SEMA6C: variants seen among roughly 807,000 people sequenced by gnomAD.
The protein encoded by SEMA6C is semaphorin-6C.
SEMA6C carries 37 observed loss-of-function variants against 72.9 expected under a neutral mutation model. The ratio of observed to expected loss-of-function variants is 0.51; its 90% CI spans 0.39 to 0.67. The LOEUF is 0.67. Ranked by LOEUF, SEMA6C falls within the 30% of genes least tolerant of loss-of-function variation. The probability of loss-of-function intolerance (pLI) is 0.00; values close to 1 mark genes in which losing one functional copy is unlikely to be tolerated. For missense variants in SEMA6C, 1,189 were observed against 1,263.6 expected (o/e 0.94, Z 0.89); for synonymous variants, 578 against 554.1 (o/e 1.04, Z -0.61).
chr1:151,139,429 A>T lies in SEMA6C; in HGVS notation c.350T>A (p.Leu117Gln), dbSNP rs751538878. The T allele has an allele frequency of 6.2e-7, 1 of 1,613,846 alleles. No homozygotes were observed. The highest frequency in any genetic ancestry group is 1.1e-5 in the South Asian group (1 of 91,074). The change falls in exon 6 of 19, where the codon CTG becomes CAG. Residue 117 changes from leucine to glutamine, a missense_variant. Coordinates refer to ENST00000368914, the MANE Select transcript of SEMA6C (RefSeq NM_030913.6). The stretch of plus-strand genomic sequence containing the variant: ...CATTCTCGTCTCACTCCTTACCGTC[A>T]GCTTTCCCCGTACAGCACAGTTCTC... ...DVENCAVRGK[L>Q]TDECYNYIRV...
intron 8 of SEMA6C, 86 bp from the exon 9 acceptor site, chr1:151,138,191 G>A (rs1682222462): frequency 6.3e-7 from 1 of 1,588,292 alleles, no homozygotes; most frequent in African/African-American, 1.3e-5. Context: ...CCCTACCTAG[G>A]CCTGGCCCTG....
In SEMA6C at chr1:151,132,244, T is replaced by C. The variant is rs1255361325; in HGVS notation, c.*240A>G. ...GAGCGGGGAGTGGGAGTCCGCCAGCTCCCCCTGAAATGCTGGCTCACTGAG... is the reference window on the plus strand; with the variant it reads ...GAGCGGGGAGTGGGAGTCCGCCAGCCCCCCCTGAAATGCTGGCTCACTGAG... On this transcript the variant is annotated 3_prime_UTR_variant, in exon 19 of 19. Transcript: ENST00000368914. 15 of 1,518,134 alleles carry C rather than the reference T, an allele frequency of 9.9e-6. No homozygotes were observed. The highest frequency in any genetic ancestry group is 1.3e-5 in the Non-Finnish European group (15 of 1,136,320). The allele number at this position is 1,518,134 out of a possible 1,614,324, so 94.0% of individuals were successfully genotyped here. A position where few individuals can be genotyped will look rare whatever the true frequency, so the allele number is the denominator to read the frequency against.
At chr1:151,135,486 C>A in intron 14 of SEMA6C, 105 bp downstream of exon 14, 2 of 1,470,746 alleles carry the variant, frequency 1.4e-6, no homozygotes, top group Admixed American at 2.0e-5. Flanking sequence ...GAGCTCCCAC[C>A]CTGCAAAAGC....
Position 151,142,490 on chromosome 1 carries a change from T to C in SEMA6C, c.118+14A>G, listed in dbSNP as rs779074157. On this transcript the variant is annotated intron_variant, in intron 3 of 18. Transcript: ENST00000368914. ...GTTCACAGAGATGGGGCAAGGTAGG[T>C]ACTGGGCACTCACCTTGAAGGTCAG... The C allele has an allele frequency of 5.1e-5, 82 of 1,613,048 alleles. No individual in the cohort carries two copies. Among genetic ancestry groups the C allele is most frequent in the Non-Finnish European group, 6.4e-5 (75 of 1,179,764 alleles).
Position 151,137,058 on chromosome 1 carries a change from A to C in SEMA6C, c.773T>G (p.Val258Gly), listed in dbSNP as rs768740706. Residue 258 changes from valine (V) to glycine (G), a missense_variant, in exon 11 of 19, where the codon GTA (valine) becomes GGA (glycine). Around this residue, in one of 2 missense-constraint regions of SEMA6C, gnomAD observed 468 missense variants for 577.4 expected, o/e 0.81. Transcript: ENST00000368914. ...ARLGRVQFSRVARVCKRDMGG... is the reference protein window; with the variant it reads ...ARLGRVQFSRGARVCKRDMGG... ...CATGTCACGTTTACATACTCGGGCT[A>C]CGCGGGAGAACTGCACCTAGGGGAG... 5.0e-6 allele frequency: 8 copies of C among 1,613,276 alleles called. No homozygotes were observed. The Admixed American group carries it at 8.3e-5, about 17-fold the overall frequency.
chr1:151,132,597 C>T lies in SEMA6C; in HGVS notation c.2680G>A (p.Gly894Ser). The change falls in exon 19 of 19, where the codon GGC becomes AGC. Residue 894 changes from glycine to serine, a missense_variant. Gly to Ser is a moderately conservative substitution (Grantham distance 56). Transcript: ENST00000368914. ...LYLGRPEGYR[G>S]RALKRVDVEK... ...ACGTCCACCCTTTTCAGGGCGCGGC[C>T]CCGGTAGCCCTCGGGCCGGCCCAGG... 6.4e-7 allele frequency: 1 copy of T among 1,551,446 alleles called. No homozygotes were observed. The highest frequency in any genetic ancestry group is 1.7e-4 in the Middle Eastern group (1 of 5,992).
chr1:151,134,033 G>T, intron 18 of SEMA6C: 1 of 1,531,154 alleles, frequency 6.5e-7, no homozygotes. Context: ...GGGTCCCAGG[G>T]GAAGGGCCAG....
At chr1:151,141,787 G>A (rs1682579393) in intron 3 of SEMA6C, among the ~76,000 whole-genome samples, 1 of 150,092 alleles carries the variant, frequency 6.7e-6, no homozygotes, top group South Asian at 2.1e-4. Flanking sequence ...GATGACTCTG[G>A]CTGTGTTGCC....
In SEMA6C at chr1:151,145,872, G is replaced by C. The variant is rs587726058; in HGVS notation, c.-105+561C>G. ...AGTCTAACAAAGCCCCGGGCCGAGCGGGCTGAAGGAAGGAGATAGGCGCTG... is the reference window on the plus strand; with the variant it reads ...AGTCTAACAAAGCCCCGGGCCGAGCCGGCTGAAGGAAGGAGATAGGCGCTG... On this transcript the variant is annotated intron_variant, in intron 1 of 18. Coordinates refer to ENST00000368914, the MANE Select transcript of SEMA6C (RefSeq NM_030913.6). This position sits in a 1 kb window ranked among gnomAD's most constrained non-coding sequence, Gnocchi z 4.4. The C allele has an allele frequency of 6.6e-6, 1 of 152,294 alleles. No homozygotes were observed. The highest frequency in any genetic ancestry group is 1.5e-5 in the Non-Finnish European group (1 of 68,104). 9.4% of individuals were successfully genotyped at this position (152,294 alleles called of 1,614,324 possible).
intron 6 of SEMA6C, 69 bp from the exon 7 acceptor site, chr1:151,138,800 G>C (rs1682274653): frequency 7.6e-7 from 1 of 1,319,088 alleles, no homozygotes; most frequent in African/African-American, 1.4e-5. Flanking sequence ...TAATAGAAAG[G>C]TGGGCTTACA....
chr1:151,142,671 C>T lies in SEMA6C; in HGVS notation c.-50G>A, dbSNP rs755725344. On this transcript the variant is annotated 5_prime_UTR_variant, in exon 3 of 19. Transcript: ENST00000368914. ...AGGGGGTGCCCCCTCACCCATAAGC[C>T]GGCCCTGAAAGGGGAGACAGGGAAA... 2.2e-5 allele frequency: 32 copies of T among 1,459,036 alleles called. No individual in the cohort carries two copies. Among genetic ancestry groups the T allele is most frequent in the South Asian group, 7.2e-5 (5 of 69,210 alleles). 90.4% of individuals were successfully genotyped at this position (1,459,036 alleles called of 1,614,324 possible). A position where few individuals can be genotyped will look rare whatever the true frequency, so the allele number is the denominator to read the frequency against.
Position 151,133,952 on chromosome 1 carries a change from C to G in SEMA6C, c.1760-435G>C. The G allele has an allele frequency of 6.5e-7, 1 of 1,545,190 alleles. No individual in the cohort carries two copies. On this transcript the variant is annotated intron_variant, in intron 18 of 18. Coordinates refer to ENST00000368914, the MANE Select transcript of SEMA6C (RefSeq NM_030913.6). This position sits in a 1 kb window ranked among gnomAD's most constrained non-coding sequence, Gnocchi z 5.9. ...TTCACTCCTATCTCTCCCAAGTAGC[C>G]CCCTTACCCCGAGTGTGAACTCCAA...
Position 151,134,457 on chromosome 1 carries a change from G to C in SEMA6C, c.1715-12C>G. ...CCCAGTAGCTCCATCTATGAAGAAGGGACAGGGTGAAGATGGGGGGAAAGA... is the reference window on the plus strand; with the variant it reads ...CCCAGTAGCTCCATCTATGAAGAAGCGACAGGGTGAAGATGGGGGGAAAGA... On this transcript the variant is annotated splice_polypyrimidine_tract_variant and intron_variant, in intron 17 of 18. Transcript: ENST00000368914. 1 of 1,606,184 alleles carries C rather than the reference G, an allele frequency of 6.2e-7. No individual in the cohort carries two copies. The highest frequency in any genetic ancestry group is 1.1e-5 in the South Asian group (1 of 90,022).
intron 8 of SEMA6C, 49 bp downstream of exon 8, chr1:151,138,267 G>T: frequency 1.9e-6 from 3 of 1,596,906 alleles, no homozygotes; most frequent in Non-Finnish European, 2.6e-6. Context: ...AGCTAAGGTG[G>T]GAGCTCCCTC....
chr1:151,134,345 A>C, intron 18 of SEMA6C, 56 bp downstream of exon 18: 1 of 1,476,308 alleles, frequency 6.8e-7, no homozygotes. Context: ...TACAGGACAC[A>C]CACTCAGGTA....
At chr1:151,136,827 T>G (rs1382189669) in intron 11 of SEMA6C, 30 bp downstream of exon 11, 2 of 1,588,282 alleles carry the variant, frequency 1.3e-6, no homozygotes, top group Non-Finnish European at 1.7e-6. Flanking sequence ...AGGGGACAGA[T>G]TGGGTCACAC....
In SEMA6C at chr1:151,137,805, A is replaced by T. The variant is rs1682178983; in HGVS notation, c.668-6T>A. On this transcript the variant is annotated splice_region_variant and splice_polypyrimidine_tract_variant and intron_variant, in intron 9 of 18. Transcript: ENST00000368914. ...GGCCTGGACAAAGTGTGGCTCTAAG[A>T]TGGGGAATGACAGGAAAGGGTATAG... 2.5e-6 allele frequency: 4 copies of T among 1,612,392 alleles called. No individual in the cohort carries two copies. The highest frequency in any genetic ancestry group is 3.4e-6 in the Non-Finnish European group (4 of 1,178,764).
chr1:151,137,846 T>TAGAAGA, intron 9 of SEMA6C, 47 bp from the exon 10 acceptor site: 1 of 1,587,318 alleles, frequency 6.3e-7, no homozygotes, highest in Non-Finnish European at 8.6e-7. Flanking sequence ...TATCTGTACC[T>TAGAAGA]GCTCAGAAGC....
chr1:151,142,049 T>C (rs1476760455), intron 3 of SEMA6C, among the ~76,000 whole-genome samples: 2 of 151,304 alleles, frequency 1.3e-5, no homozygotes, highest in Non-Finnish European at 3.0e-5. Flanking sequence ...TGTTCTTTTT[T>C]TTTTTTTTTT....
Sources: gnomAD v4.1 joint callset for allele counts (sites outside exome capture counted in the v4.1 genomes callset) on GRCh38, gnomAD v4.1.1 for gene constraint, gnomAD v4.1.1 regional missense constraint, Gnocchi (gnomAD v3.1) non-coding constraint, MANE v1.5 for transcripts, NCBI Gene and HGNC (gene_info 2026-07-23, HGNC 2026-07-21) for gene names.